Variants in PPIL1 observed in about 807,000 individuals in gnomAD.
The protein encoded by PPIL1 is peptidylprolyl isomerase like 1.
In PPIL1, 14 loss-of-function variants were observed where a neutral mutation model predicts 19.4. That is an observed-to-expected ratio of 0.72 (90% CI 0.48 to 1.13). PPIL1 has a LOEUF of 1.13. Ranked by LOEUF, PPIL1 falls within the 50% of genes most tolerant of loss-of-function variation. The pLI is 0.00. For missense variants in PPIL1, 192 were observed against 218.0 expected (o/e 0.88, Z 0.75); for synonymous variants, 72 against 73.6 (o/e 0.98, Z 0.11).
chr6:36,867,105 C>T (rs1445562841), intron 2 of PPIL1, among the ~76,000 whole-genome samples: 7 of 152,320 alleles, frequency 4.6e-5, no homozygotes, highest in Admixed American at 6.5e-5. Context: ...AACCCGTGTG[C>T]GGCCCATGTT....
intron 2 of PPIL1, among the ~76,000 whole-genome samples, chr6:36,866,772 G>C (rs975673974): frequency 4.6e-5 from 7 of 152,138 alleles, no homozygotes; most frequent in Non-Finnish European, 8.8e-5. Flanking sequence ...AGACAGGAAA[G>C]AAGTACATCG....
intron 2 of PPIL1, among the ~76,000 whole-genome samples, chr6:36,870,885 A>G (rs537838235): frequency 2.0e-5 from 3 of 152,158 alleles, no homozygotes; most frequent in Non-Finnish European, 4.4e-5. Flanking sequence ...CGGGCTCCCA[A>G]AGTGCTGGGA....
intron 3 of PPIL1, 90 bp downstream of exon 3, chr6:36,856,496 C>T (rs1460686543): frequency 1.4e-5 from 16 of 1,179,122 alleles, no homozygotes; most frequent in Admixed American, 7.3e-5. Context: ...CACCATGCCA[C>T]GGTGTCAGGC....
chr6:36,855,764 C>G lies in PPIL1; in HGVS notation c.*49G>C. ...CATGTCATTCTATGTCATCTAGAAGCTGGTTCACTGGGGCCATCTCAGAAG... is the reference window on the plus strand; with the variant it reads ...CATGTCATTCTATGTCATCTAGAAGGTGGTTCACTGGGGCCATCTCAGAAG... On this transcript the variant is annotated 3_prime_UTR_variant, in exon 4 of 4. Transcript: ENST00000373699. 6.4e-7 allele frequency: 1 copy of G among 1,568,604 alleles called. No homozygotes were observed. The highest frequency in any genetic ancestry group is 8.8e-7 in the Non-Finnish European group (1 of 1,139,038).
At chr6:36,866,018 A>G (rs1345724140) in intron 2 of PPIL1, among the ~76,000 whole-genome samples, 2 of 152,220 alleles carry the variant, frequency 1.3e-5, no homozygotes, top group Non-Finnish European at 2.9e-5. Context: ...ATCAGCATAT[A>G]ATTAATCACA....
chr6:36,872,963 G>A lies in PPIL1; in HGVS notation c.57-1091C>T, dbSNP rs1240366351. ...GTCTGGATACCCAGTGCCTTGCACAGTGTAAACACTCTATAAGTATATGAG... is the reference window on the plus strand; with the variant it reads ...GTCTGGATACCCAGTGCCTTGCACAATGTAAACACTCTATAAGTATATGAG... On this transcript the variant is annotated intron_variant, in intron 1 of 3. Coordinates refer to ENST00000373699, the MANE Select transcript of PPIL1 (RefSeq NM_016059.5). Among the ~76,000 whole-genome samples the A allele has an allele frequency of 2.0e-5, 3 of 152,202 alleles. 1 individual carries two copies. The highest frequency in any genetic ancestry group is 6.3e-3 in the Middle Eastern group (2 of 316).
At chr6:36,866,765 C>T (rs1362955645) in intron 2 of PPIL1, among the ~76,000 whole-genome samples, 1 of 151,994 alleles carries the variant, frequency 6.6e-6, no homozygotes, top group Admixed American at 6.6e-5. Context: ...AGGAAGAAGA[C>T]AGGAAAGAAG....
chr6:36,860,384 C>T, intron 2 of PPIL1, among the ~76,000 whole-genome samples: 1 of 152,056 alleles, frequency 6.6e-6, no homozygotes, highest in East Asian at 1.9e-4. Flanking sequence ...ATCACTCAAG[C>T]CCAGTAGGTC....
chr6:36,869,695 G>C (rs1354622331), intron 2 of PPIL1, among the ~76,000 whole-genome samples: 1 of 152,198 alleles, frequency 6.6e-6, no homozygotes, highest in Admixed American at 6.5e-5. Flanking sequence ...CACTGTAGCT[G>C]AAGGAATGAT....
chr6:36,857,516 A>G (rs1375872859), intron 2 of PPIL1, among the ~76,000 whole-genome samples: 1 of 151,756 alleles, frequency 6.6e-6, no homozygotes, highest in Non-Finnish European at 1.5e-5. Context: ...GGGTCTTGCT[A>G]CGTTGCCCAG....
intron 1 of PPIL1, among the ~76,000 whole-genome samples, chr6:36,872,335 T>C (rs1363409797): frequency 1.3e-5 from 2 of 152,168 alleles, no homozygotes; most frequent in Non-Finnish European, 2.9e-5. Flanking sequence ...AATAGGAAGA[T>C]GTTTAATGAA....
chr6:36,862,309 C>A (rs568051576), intron 2 of PPIL1, among the ~76,000 whole-genome samples: 93 of 152,304 alleles, frequency 6.1e-4, no homozygotes, highest in African/African-American at 2.2e-3. Flanking sequence ...GGCAAGAGTG[C>A]CTCTAACAGA....
intron 2 of PPIL1, among the ~76,000 whole-genome samples, chr6:36,870,112 A>AC (rs1774477913): frequency 6.6e-6 from 1 of 151,562 alleles, no homozygotes; most frequent in East Asian, 1.9e-4. Context: ...AAAAAAAAAA[A>AC]CCCAAAAACC....
At chr6:36,872,097 G>A in intron 1 of PPIL1, 1 of 367,050 alleles carries the variant, frequency 2.7e-6, no homozygotes, top group Non-Finnish European at 4.8e-6. Flanking sequence ...CTTCTTTTCA[G>A]CAAAATAACA....
Position 36,856,656 on chromosome 6 carries a change from T to C in PPIL1, c.212-2A>G. ...CATAGATAGATGCACCACCTCGACC[T>C]GCCCGATTGGAAGATGACACATGAA... is the stretch of plus-strand genomic sequence containing the variant. On this transcript the variant is annotated splice_acceptor_variant, in intron 2 of 3. Transcript: ENST00000373699. LOFTEE classifies it high-confidence loss of function. The C allele has an allele frequency of 6.2e-7, 1 of 1,613,792 alleles. No homozygotes were observed. The highest frequency in any genetic ancestry group is 8.5e-7 in the Non-Finnish European group (1 of 1,179,704).
Position 36,855,789 on chromosome 6 carries a change from G to A in PPIL1, c.*24C>T, listed in dbSNP as rs749620457. The A allele has an allele frequency of 1.2e-5, 19 of 1,607,680 alleles. No homozygotes were observed. Among genetic ancestry groups the A allele is most frequent in the Non-Finnish European group, 1.4e-5 (17 of 1,174,238 alleles). ...CTGGTTCACTGGGGCCATCTCAGAA[G>A]AGCTGCTCAAGAGGGTAGCAAGTCT... is the stretch of plus-strand genomic sequence containing the variant. On this transcript the variant is annotated 3_prime_UTR_variant, in exon 4 of 4. Coordinates refer to ENST00000373699, the MANE Select transcript of PPIL1 (RefSeq NM_016059.5).
chr6:36,862,623 CA>C (rs1306730085), intron 2 of PPIL1, among the ~76,000 whole-genome samples: 1 of 152,310 alleles, frequency 6.6e-6, no homozygotes, highest in East Asian at 1.9e-4. Context: ...ATAAGACTAA[CA>C]AGTTCAAGAC....
chr6:36,874,007 A>C (rs535313399), intron 1 of PPIL1, among the ~76,000 whole-genome samples: 2 of 152,368 alleles, frequency 1.3e-5, no homozygotes, highest in African/African-American at 4.8e-5. Context: ...TGGAATGAAT[A>C]GAGCTAAAGG....
intron 2 of PPIL1, among the ~76,000 whole-genome samples, chr6:36,864,942 A>C (rs1774365603): frequency 6.6e-6 from 1 of 152,136 alleles, no homozygotes; most frequent in South Asian, 2.1e-4. Context: ...CCTGGCCTAC[A>C]GAAGGAGTCT....
Sources: gnomAD v4.1 joint callset for allele counts (sites outside exome capture counted in the v4.1 genomes callset) on GRCh38, gnomAD v4.1.1 for gene constraint, MANE v1.5 for transcripts, NCBI Gene and HGNC (gene_info 2026-07-23, HGNC 2026-07-21) for gene names.